The following ODR4 variants were observed in gnomAD, a reference collection of about 807,000 sequenced individuals.
ODR4 encodes the protein odr-4 GPCR localization factor homolog.
Under a neutral mutation model 60.2 loss-of-function variants are expected in ODR4, and 47 were observed. The ratio of observed to expected loss-of-function variants is 0.78; its 90% CI spans 0.62 to 1.00. The LOEUF (loss-of-function observed/expected upper bound fraction) is 1.00, where lower values mean the gene tolerates loss of function less well. Ranked by LOEUF, ODR4 falls within the 50% of genes least tolerant of loss-of-function variation. The pLI is 0.00. For synonymous variants in ODR4, 178 were observed against 175.5 expected, an observed-to-expected ratio of 1.01 and a Z score of -0.11; for missense variants, 488 against 530.8, an observed-to-expected ratio of 0.92 and a Z score of 0.79.
At position 186,390,729 on chromosome 1, in the gene ODR4, G is replaced by A; in HGVS notation, c.493G>A (p.Asp165Asn). The A allele has an allele frequency of 6.2e-7, 1 of 1,613,532 alleles. No individual in the cohort carries two copies. Among genetic ancestry groups the A allele is most frequent in the African/African-American group, 1.3e-5 (1 of 75,042 alleles). Residue 165 changes from aspartate (D) to asparagine (N), a missense_variant, in exon 7 of 14, where the codon GAT becomes AAT. By Grantham distance (23) the Asp-to-Asn change is conservative. Transcript: ENST00000287859. ...CTGCTAGAGTTCAGCAAGACCAGCAGATTGGAAGTATCAAAGTGGATTATC... is the reference window on the plus strand; with the variant it reads ...CTGCTAGAGTTCAGCAAGACCAGCAAATTGGAAGTATCAAAGTGGATTATC... Reference protein sequence around the residue: ...HDPKSSARPADWKYQSGLSSS... With the variant: ...HDPKSSARPANWKYQSGLSSS...
chr1:186,431,137 G>T, the ODR4 span, among the ~76,000 whole-genome samples: 1 of 152,054 alleles, frequency 6.6e-6, no homozygotes, highest in Admixed American at 6.6e-5. Flanking sequence ...GAAGAAAATA[G>T]GTGTAAATAT....
intron 5 of ODR4, among the ~76,000 whole-genome samples, 199 bp downstream of exon 5, chr1:186,388,747 A>C (rs886721585): frequency 4.6e-5 from 7 of 152,214 alleles, no homozygotes; most frequent in African/African-American, 1.7e-4. Context: ...AAGGTGATAA[A>C]AAGCTTGAGA....
intron 11 of ODR4, among the ~76,000 whole-genome samples, chr1:186,402,893 T>C (rs937387489): frequency 6.6e-6 from 1 of 152,172 alleles, no homozygotes; most frequent in Non-Finnish European, 1.5e-5. Flanking sequence ...CATTTTCTTA[T>C]ATATAAAATA....
At chr1:186,396,534 A>C (rs1660683907) in intron 9 of ODR4, among the ~76,000 whole-genome samples, 2 of 152,160 alleles carry the variant, frequency 1.3e-5, no homozygotes, top group African/African-American at 4.8e-5. Context: ...GATTGAGCCT[A>C]GGAGCTTGAG....
At chr1:186,416,478 C>T (rs1207608034) in intron 12 of ODR4, among the ~76,000 whole-genome samples, 2 of 152,072 alleles carry the variant, frequency 1.3e-5, no homozygotes, top group Non-Finnish European at 2.9e-5. Context: ...TGGGGACCAG[C>T]CTGGCCAACA....
intron 6 of ODR4, 143 bp downstream of exon 6, chr1:186,389,767 T>C: frequency 1.6e-6 from 1 of 609,300 alleles, no homozygotes; most frequent in South Asian, 2.3e-5. Flanking sequence ...TTTTGAAATA[T>C]GATTAATTTT....
chr1:186,425,576 C>T (rs1212141026), downstream of ODR4, among the ~76,000 whole-genome samples: 2 of 152,146 alleles, frequency 1.3e-5, no homozygotes, highest in Non-Finnish European at 2.9e-5. Context: ...AGGCCTGTCT[C>T]TAATTTGAAC....
At chr1:186,403,644 G>A (rs1183760324) in intron 11 of ODR4, among the ~76,000 whole-genome samples, 1 of 148,586 alleles carries the variant, frequency 6.7e-6, no homozygotes, top group African/African-American at 2.5e-5. Context: ...CCAGATAAAA[G>A]AACTTAGTAT....
In ODR4 at chr1:186,390,858, G is replaced by C. The variant is rs1441091218; in HGVS notation, c.615+7G>C. The C allele has an allele frequency of 3.1e-6, 5 of 1,607,914 alleles. No individual in the cohort carries two copies. Among genetic ancestry groups the C allele is most frequent in the Non-Finnish European group, 4.3e-6 (5 of 1,176,440 alleles). ...TCTGGAGAAAAATACAAAGGTACCA[G>C]GGTAAAATGAATTTTCTTCAGTGAT... On this transcript the variant is annotated splice_region_variant and intron_variant, in intron 7 of 13. Coordinates refer to ENST00000287859, the MANE Select transcript of ODR4 (RefSeq NM_017847.6).
At chr1:186,386,687 A>G (rs1172472995) in intron 4 of ODR4, among the ~76,000 whole-genome samples, 2 of 152,138 alleles carry the variant, frequency 1.3e-5, no homozygotes, top group East Asian at 1.9e-4. Flanking sequence ...TGCTTTAAAC[A>G]GTTTTTCTTA....
intron 13 of ODR4, among the ~76,000 whole-genome samples, chr1:186,418,075 GT>G (rs1258464092): frequency 6.6e-6 from 1 of 152,124 alleles, no homozygotes; most frequent in African/African-American, 2.4e-5. Flanking sequence ...TACTTTAACA[GT>G]TTTCAGAATT....
chr1:186,402,187 A>ATTCATTCTTTCTTTCTTTCT (rs1553236963), intron 11 of ODR4, among the ~76,000 whole-genome samples: 2 of 135,424 alleles, frequency 1.5e-5, no homozygotes, highest in African/African-American at 2.9e-5. Context: ...TAGGCATCCT[A>ATTCATTCTTTCTTTCTTTCT]TTCTTTCTTT....
At chr1:186,414,467 TTTG>T (rs1661483773) in intron 12 of ODR4, among the ~76,000 whole-genome samples, 1 of 152,078 alleles carries the variant, frequency 6.6e-6, no homozygotes, top group Admixed American at 6.6e-5. Flanking sequence ...ATTATTTTTG[TTTG>T]TTATCTGATA....
chr1:186,382,944 T>C (rs1184499273), intron 2 of ODR4, 78 bp from the exon 3 acceptor site: 1 of 1,420,764 alleles, frequency 7.0e-7, no homozygotes, highest in Non-Finnish European at 9.4e-7. Context: ...TCATAAAAGC[T>C]AAGGAATTTA....
rs977156280 is a variant in ODR4 at position 186,385,891 on chromosome 1, G to T, written c.235-97G>T. 4.4e-6 allele frequency: 3 copies of T among 689,150 alleles called. No homozygotes were observed. The African/African-American group carries it at 5.7e-5, about 13-fold the overall frequency. The allele number at this position is 689,150 out of a possible 1,614,324, so 42.7% of individuals were successfully genotyped here. Reference sequence around the variant, plus strand: ...GTTTTATTTATAAAGTAGTTTTAAGGTGAAAAGCTAAGGACATGCTAAGCA... The same window carrying T: ...GTTTTATTTATAAAGTAGTTTTAAGTTGAAAAGCTAAGGACATGCTAAGCA... On this transcript the variant is annotated intron_variant, in intron 3 of 13. Coordinates refer to ENST00000287859, the MANE Select transcript of ODR4 (RefSeq NM_017847.6).
chr1:186,422,211 C>T (rs747710355), downstream of ODR4, among the ~76,000 whole-genome samples: 3 of 151,654 alleles, frequency 2.0e-5, no homozygotes, highest in Non-Finnish European at 4.4e-5. Context: ...GATATTAAAT[C>T]ACAATAATTA....
At position 186,400,341 on chromosome 1, in the gene ODR4, A is replaced by T. The variant is rs189435476; in HGVS notation, c.1000+1297A>T. Reference sequence around the variant, plus strand: ...GTGGATTTGCAATTCACATTTAGATATGTACATAATTGAAACATTCATATT... The same window carrying T: ...GTGGATTTGCAATTCACATTTAGATTTGTACATAATTGAAACATTCATATT... On this transcript the variant is annotated intron_variant, in intron 11 of 13. Transcript: ENST00000287859. Among the ~76,000 whole-genome samples the T allele has an allele frequency of 6.6e-5, 10 of 151,144 alleles. No homozygotes were observed. The East Asian group carries it at 2.0e-3, about 30-fold the overall frequency.
intron 2 of ODR4, among the ~76,000 whole-genome samples, chr1:186,382,483 A>G (rs1458845185): frequency 6.6e-6 from 1 of 151,966 alleles, no homozygotes; most frequent in Non-Finnish European, 1.5e-5. Context: ...AAAACAAAAA[A>G]CTTGAGGAAC....
intron 9 of ODR4, among the ~76,000 whole-genome samples, chr1:186,395,592 A>C (rs995887961): frequency 1.3e-5 from 2 of 152,150 alleles, no homozygotes; most frequent in Non-Finnish European, 2.9e-5. Context: ...TCCTGCTGTC[A>C]TTAGCCTTAC....
Sources: gnomAD v4.1 joint callset for allele counts (sites outside exome capture counted in the v4.1 genomes callset) on GRCh38, gnomAD v4.1.1 for gene constraint, MANE v1.5 for transcripts, NCBI Gene and HGNC (gene_info 2026-07-23, HGNC 2026-07-21) for gene names.